The following EEFSEC variants were observed in gnomAD, a reference collection of about 807,000 sequenced individuals.
EEFSEC encodes selenocysteine-specific elongation factor.
In EEFSEC, 43 loss-of-function variants were observed where a neutral mutation model predicts 42.1. The observed-to-expected ratio is 1.02, with a 90% CI of 0.80 to 1.32. The LOEUF is 1.32. Among genes scored for constraint, EEFSEC ranks in the 40% most tolerant of loss-of-function variants. The pLI, the probability that EEFSEC is intolerant of heterozygous loss-of-function variation, is 0.00. For missense variants in EEFSEC, 745 were observed against 803.6 expected (o/e 0.93, Z 0.88); for synonymous variants, 354 against 339.1 (o/e 1.04, Z -0.48).
At position 128,246,954 on chromosome 3, in the gene EEFSEC, G is replaced by A. The variant is rs1412323976; in HGVS notation, c.435G>A (p.Leu145=). 10 of 1,614,154 alleles carry A rather than the reference G, an allele frequency of 6.2e-6. No homozygotes were observed. The East Asian group carries it at 8.9e-5, about 14-fold the overall frequency. ...QIACQKLVVV[L]NKIDLLPEGK... ...CCTGCCAGAAGCTGGTCGTGGTGCT[G>A]AACAAAATAGACCTCTTACCTGAAG... Residue 145 remains leucine (L), a synonymous_variant, in exon 2 of 7, where the codon CTG becomes CTA. Coordinates refer to ENST00000254730, the MANE Select transcript of EEFSEC (RefSeq NM_021937.5).
intron 6 of EEFSEC, among the ~76,000 whole-genome samples, chr3:128,378,597 A>G (rs1313829247): frequency 1.3e-5 from 2 of 152,172 alleles, no homozygotes; most frequent in Non-Finnish European, 2.9e-5. Flanking sequence ...CAGTGGTGGT[A>G]CTAGTGGTCT....
rs1370773717 is a variant in EEFSEC at position 128,408,155 on chromosome 3, G to C, written c.1687G>C (p.Glu563Gln). ...RAGRGEATRQEESAERSEPSQ... is the reference protein window; with the variant it reads ...RAGRGEATRQQESAERSEPSQ... Reference sequence around the variant, plus strand: ...TGGCCGTGGGGAGGCCACCAGGCAGGAGGAGAGCGCCGAGCGGAGCGAGCC... The same window carrying C: ...TGGCCGTGGGGAGGCCACCAGGCAGCAGGAGAGCGCCGAGCGGAGCGAGCC... Residue 563 changes from glutamate (E) to glutamine (Q), a missense_variant, in exon 7 of 7, where the codon GAG (glutamate) becomes CAG (glutamine). Transcript: ENST00000254730. The C allele has an allele frequency of 6.2e-7, 1 of 1,612,588 alleles. No homozygotes were observed. The highest frequency in any genetic ancestry group is 1.3e-5 in the African/African-American group (1 of 74,868).
chr3:128,287,962 G>GC lies in EEFSEC; in HGVS notation c.786+23189dup, dbSNP rs537660771. 3.4e-3 allele frequency among the ~76,000 whole-genome samples: 278 copies of GC among 81,574 alleles called. 2 individuals carry two copies. Among genetic ancestry groups the GC allele is most frequent in the South Asian group, 5.0e-3 (12 of 2,422 alleles). 53.5% of individuals were successfully genotyped at this position (81,574 alleles called of 152,430 possible). On this transcript the variant is annotated intron_variant, in intron 4 of 6. Transcript: ENST00000254730. The stretch of plus-strand genomic sequence containing the variant: ...ATTGTTTTGTACCTTGTTTCCCCCC[G>GC]CCCCCCCCAAAAAACTCTGTCTTTG...
Position 128,172,841 on chromosome 3 carries a change from G to A in EEFSEC, c.316+19018G>A, listed in dbSNP as rs545396139. 4.6e-5 allele frequency among the ~76,000 whole-genome samples: 7 copies of A among 152,300 alleles called. No individual in the cohort carries two copies. The South Asian group carries it at 6.2e-4, about 14-fold the overall frequency. On this transcript the variant is annotated intron_variant, in intron 1 of 6. Coordinates refer to ENST00000254730, the MANE Select transcript of EEFSEC (RefSeq NM_021937.5). ...ATGGGAGGTGCCATGCTGCCGCCTCGATCCTCTGATAGCAATCGAGGAGAA... is the reference window on the plus strand; with the variant it reads ...ATGGGAGGTGCCATGCTGCCGCCTCAATCCTCTGATAGCAATCGAGGAGAA...
chr3:128,405,694 C>T (rs1202580775), intron 6 of EEFSEC, among the ~76,000 whole-genome samples: 1 of 152,236 alleles, frequency 6.6e-6, no homozygotes, highest in Non-Finnish European at 1.5e-5. Context: ...TTTTCAGGGA[C>T]GAAGCTAGTA....
intron 3 of EEFSEC, 130 bp downstream of exon 3, chr3:128,262,354 C>A: frequency 1.3e-6 from 1 of 757,292 alleles, no homozygotes; most frequent in Non-Finnish European, 2.2e-6. Context: ...GTTCCATTAA[C>A]CTCCCTGTTA....
intron 6 of EEFSEC, among the ~76,000 whole-genome samples, chr3:128,393,532 A>G (rs1422586961): frequency 1.3e-5 from 2 of 152,180 alleles, no homozygotes; most frequent in South Asian, 2.1e-4. Flanking sequence ...GCTGAGGCCT[A>G]TGCACTCCAA....
chr3:128,311,274 C>T (rs1046282411), intron 4 of EEFSEC, among the ~76,000 whole-genome samples: 4 of 152,228 alleles, frequency 2.6e-5, no homozygotes, highest in African/African-American at 4.8e-5. Context: ...TCTCCTTTCA[C>T]AGCATTCACC....
chr3:128,179,933 A>G (rs547253525), intron 1 of EEFSEC, among the ~76,000 whole-genome samples: 39 of 152,296 alleles, frequency 2.6e-4, no homozygotes, highest in Non-Finnish European at 4.6e-4. Flanking sequence ...TTGGAGGTAG[A>G]TAAAAACTCC....
chr3:128,170,315 C>T (rs1305642915), intron 1 of EEFSEC, among the ~76,000 whole-genome samples: 1 of 152,188 alleles, frequency 6.6e-6, no homozygotes, highest in African/African-American at 2.4e-5. Context: ...GTAATCCCAG[C>T]ACTTTGGGAG....
In EEFSEC at chr3:128,264,923, G is replaced by A. The variant is rs949570930; in HGVS notation, c.786+142G>A. 3.9e-6 allele frequency: 4 copies of A among 1,014,068 alleles called. No homozygotes were observed. The African/African-American group carries it at 4.9e-5, about 12-fold the overall frequency. 62.8% of individuals were successfully genotyped at this position (1,014,068 alleles called of 1,614,324 possible). ...GCCTGCTCCGCCCCACCTCCCCTCT[G>A]GCTGCCTGGCCCCGCCCGGCTCCAA... On this transcript the variant is annotated intron_variant, in intron 4 of 6. Transcript: ENST00000254730.
intron 6 of EEFSEC, among the ~76,000 whole-genome samples, chr3:128,363,039 A>G (rs2067547389): frequency 6.6e-6 from 1 of 152,236 alleles, no homozygotes; most frequent in African/African-American, 2.4e-5. Context: ...GCTTCTATTT[A>G]CTGATTATCA....
At chr3:128,424,470 C>A in the EEFSEC span, among the ~76,000 whole-genome samples, 1 of 152,114 alleles carries the variant, frequency 6.6e-6, no homozygotes, top group Non-Finnish European at 1.5e-5. Flanking sequence ...CAGCCTCGAA[C>A]TCCTAGGCTC....
chr3:128,186,415 C>G (rs1344480714), intron 1 of EEFSEC, among the ~76,000 whole-genome samples: 3 of 152,154 alleles, frequency 2.0e-5, no homozygotes, highest in Non-Finnish European at 2.9e-5. Flanking sequence ...AGCACAGAAG[C>G]TTTTAATTTT....
At chr3:128,260,328 G>A (rs1294651601) in intron 2 of EEFSEC, among the ~76,000 whole-genome samples, 1 of 152,164 alleles carries the variant, frequency 6.6e-6, no homozygotes, top group Non-Finnish European at 1.5e-5. Context: ...TGTGCCAGGT[G>A]TGGGTGTCTT....
chr3:128,352,401 G>T (rs1317638394), intron 5 of EEFSEC, among the ~76,000 whole-genome samples: 1 of 152,190 alleles, frequency 6.6e-6, no homozygotes, highest in Non-Finnish European at 1.5e-5. Flanking sequence ...GCAAAAATGT[G>T]CTCAGACCAG....
chr3:128,217,662 G>A (rs938866242), intron 1 of EEFSEC, among the ~76,000 whole-genome samples: 1 of 152,160 alleles, frequency 6.6e-6, no homozygotes, highest in African/African-American at 2.4e-5. Flanking sequence ...GAATACACGA[G>A]CACCTGGGGC....
chr3:128,197,573 G>A (rs932586845), intron 1 of EEFSEC, among the ~76,000 whole-genome samples: 78 of 152,072 alleles, frequency 5.1e-4, no homozygotes, highest in Admixed American at 1.1e-3. Flanking sequence ...GCGCCCGGCC[G>A]GAAATACGCA....
chr3:128,242,334 A>G (rs2066080866), intron 1 of EEFSEC, among the ~76,000 whole-genome samples: 1 of 152,146 alleles, frequency 6.6e-6, no homozygotes, highest in Non-Finnish European at 1.5e-5. Flanking sequence ...AAAAAAATAA[A>G]TAAATAAATA....
Sources: allele counts gnomAD v4.1 joint callset (sites outside exome capture counted in the v4.1 genomes callset), GRCh38; gene constraint gnomAD v4.1.1; transcripts MANE v1.5; gene names NCBI Gene and HGNC (gene_info 2026-07-23, HGNC 2026-07-21).